NPHP3: variants seen among roughly 807,000 people sequenced by gnomAD.
NPHP3 encodes nephrocystin 3, also known as nephrocystin-3.
Under a neutral mutation model 171.9 loss-of-function variants are expected in NPHP3, and 123 were observed. The observed-to-expected ratio is 0.72, with a 90% CI of 0.62 to 0.83. The LOEUF is 0.83. Ranked by LOEUF, NPHP3 falls within the 40% of genes least tolerant of loss-of-function variation. NPHP3 has a pLI of 0.00. For missense variants in NPHP3, 1,506 were observed against 1,591.9 expected (o/e 0.95, Z 0.92); for synonymous variants, 558 against 579.2 (o/e 0.96, Z 0.52).
intron 8 of NPHP3, among the ~76,000 whole-genome samples, chr3:132,705,044 G>C (rs1203325486): frequency 1.3e-5 from 2 of 152,174 alleles, no homozygotes; most frequent in Non-Finnish European, 2.9e-5. Context: ...TTCTCAAATA[G>C]GGTTTTTGGT....
Position 132,706,598 on chromosome 3 carries a change from T to TA in NPHP3, c.1276-785dup, listed in dbSNP as rs1939761586. 4.6e-5 allele frequency among the ~76,000 whole-genome samples: 7 copies of TA among 152,090 alleles called. No homozygotes were observed. The South Asian group carries it at 1.5e-3, about 32-fold the overall frequency. On this transcript the variant is annotated intron_variant, in intron 7 of 26. Transcript: ENST00000337331. ...AATGCCCAATCTGTAAGAACATGTCTACTACTACTACTAATATTTGATACA... is the reference window on the plus strand; with the variant it reads ...AATGCCCAATCTGTAAGAACATGTCTAACTACTACTACTAATATTTGATACA...
At chr3:132,685,919 C>T (rs1939144035) in intron 23 of NPHP3, 2 of 294,688 alleles carry the variant, frequency 6.8e-6, no homozygotes, top group Admixed American at 9.2e-5. Context: ...GGCGTGGTGG[C>T]ATGCGCCTGT....
rs760311282 is a variant in NPHP3 at position 132,683,496 on chromosome 3, T to C, written c.3599A>G (p.Tyr1200Cys). 2 of 1,612,996 alleles carry C rather than the reference T, an allele frequency of 1.2e-6. No homozygotes were observed. The highest frequency in any genetic ancestry group is 2.7e-5 in the African/African-American group (2 of 74,888). Residue 1200 changes from tyrosine (Y) to cysteine (C), a missense_variant, in exon 25 of 27, where the codon TAT (tyrosine) becomes TGT (cysteine). Coordinates refer to ENST00000337331, the MANE Select transcript of NPHP3 (RefSeq NM_153240.5). ...MGKLDKAVPL[Y>C]ELAVEIRQKS... Reference sequence around the variant, plus strand: ...CTGTCGAATTTCAACAGCCAATTCATACAAAGGTACAGCTTTGTCAAGTTT... The same window carrying C: ...CTGTCGAATTTCAACAGCCAATTCACACAAAGGTACAGCTTTGTCAAGTTT...
chr3:132,722,179 C>A lies in NPHP3; in HGVS notation c.177G>T (p.Ser59=). Residue 59 remains serine (S), a synonymous_variant, in exon 1 of 27, where the codon TCG becomes TCT. Coordinates refer to ENST00000337331, the MANE Select transcript of NPHP3 (RefSeq NM_153240.5). ...CGCCCGCGCCCACCCCGCGGGGCAG[C>A]GACCCGGGCCCGGCCCCTGCTGCCG... ...AGAAAGAGPG[S]LPRGVGAGGL... is the part of the protein sequence containing the mutation. 1 of 1,527,170 alleles carries A rather than the reference C, an allele frequency of 6.5e-7. No homozygotes were observed. The highest frequency in any genetic ancestry group is 8.7e-7 in the Non-Finnish European group (1 of 1,146,316). 94.6% of individuals were successfully genotyped at this position (1,527,170 alleles called of 1,614,324 possible). A position where few individuals can be genotyped will look rare whatever the true frequency, so the allele number is the denominator to read the frequency against.
chr3:132,713,069 A>C, intron 6 of NPHP3, 57 bp downstream of exon 6: 1 of 918,176 alleles, frequency 1.1e-6, no homozygotes, highest in South Asian at 1.9e-5. Flanking sequence ...TATTTGGCAA[A>C]CTCAATTCTA....
In NPHP3 at chr3:132,696,792, A is replaced by G. The variant is rs1939465369; in HGVS notation, c.2110T>C (p.Cys704Arg). Residue 704 changes from cysteine (C) to arginine (R), a missense_variant, in exon 15 of 27, where the codon TGT becomes CGT. This residue lies in a region of NPHP3 where 930 missense variants were observed against 924.9 expected (regional missense o/e 1.01). Transcript: ENST00000337331. ...KEQEKKLERH[C>R]RSATTCNALY... The stretch of plus-strand genomic sequence containing the variant: ...GCATTGCAGGTTGTAGCAGAACGAC[A>G]GTGTCGTTCTAGCTTCTTCTCCTGC... The G allele has an allele frequency of 1.9e-6, 3 of 1,614,038 alleles. No individual in the cohort carries two copies. The highest frequency in any genetic ancestry group is 2.5e-6 in the Non-Finnish European group (3 of 1,179,966).
rs202226700 is a variant in NPHP3, at chr3:132,690,554, G to C, written c.2667C>G (p.Leu889=). The C allele has an allele frequency of 3.1e-6, 5 of 1,613,522 alleles. No homozygotes were observed. Among genetic ancestry groups the C allele is most frequent in the Non-Finnish European group, 4.2e-6 (5 of 1,179,646 alleles). Residue 889 remains leucine, a synonymous_variant, in exon 19 of 27, where the codon CTC becomes CTG. Transcript: ENST00000337331. ...TTTTATAAAGGTTTTGAGACACAAA[G>C]AGATTAAGAAGGCAATCATGCAGCT... ...KQKLHDCLLN[L]FVSQNLYKRG...
chr3:132,710,346 TAA>T (rs78357959), intron 6 of NPHP3, among the ~76,000 whole-genome samples: 27 of 127,456 alleles, frequency 2.1e-4, no homozygotes, highest in Non-Finnish European at 1.9e-4. Flanking sequence ...GGTGATCTGG[TAA>T]AAAAAAAAAA....
At position 132,694,902 on chromosome 3, in the gene NPHP3, AAG is replaced by A; in HGVS notation, c.2233_2234del (p.Leu745PhefsTer4). ...LHQCFQCQDT[L>X]SLYRLVLHSI... ...AGTGCAGAACAAGTCTATATAATGAAAGAGTATCTTGACACTGGAAACACTGA... is the reference window on the plus strand; with the variant it reads ...AGTGCAGAACAAGTCTATATAATGAAAGTATCTTGACACTGGAAACACTGA... On this transcript the variant is annotated frameshift_variant, in exon 16 of 27. Transcript: ENST00000337331. LOFTEE classifies it high-confidence loss of function. 6.2e-7 allele frequency: 1 copy of A among 1,613,818 alleles called. No homozygotes were observed. Among genetic ancestry groups the A allele is most frequent in the Non-Finnish European group, 8.5e-7 (1 of 1,179,830 alleles).
intron 3 of NPHP3, chr3:132,717,807 G>A (rs1448898499): frequency 6.7e-6 from 1 of 149,746 alleles, no homozygotes; most frequent in Admixed American, 7.4e-5. Flanking sequence ...TGCCACACTG[G>A]AGTGCGGTGG....
At position 132,705,847 on chromosome 3, in the gene NPHP3, A is replaced by G. The variant is rs754384028; in HGVS notation, c.1276-33T>C. ...AAAATCATTTAAGAACAATGAGAAAAACCATAATATCAGAAGGAAGTGGTG... is the reference window on the plus strand; with the variant it reads ...AAAATCATTTAAGAACAATGAGAAAGACCATAATATCAGAAGGAAGTGGTG... On this transcript the variant is annotated intron_variant, in intron 7 of 26. Coordinates refer to ENST00000337331, the MANE Select transcript of NPHP3 (RefSeq NM_153240.5). 8.7e-6 allele frequency: 10 copies of G among 1,148,188 alleles called. No individual in the cohort carries two copies. The South Asian group carries it at 1.1e-4, about 13-fold the overall frequency. 71.1% of individuals were successfully genotyped at this position (1,148,188 alleles called of 1,614,324 possible).
Position 132,683,498 on chromosome 3 carries a change from C to G in NPHP3, c.3597G>C (p.Leu1199Phe), listed in dbSNP as rs1355272147. 14 of 1,612,812 alleles carry G rather than the reference C, an allele frequency of 8.7e-6. No individual in the cohort carries two copies. Among genetic ancestry groups the G allele is most frequent in the Non-Finnish European group, 1.2e-5 (14 of 1,179,208 alleles). Reference sequence around the variant, plus strand: ...GTCGAATTTCAACAGCCAATTCATACAAAGGTACAGCTTTGTCAAGTTTCC... The same window carrying G: ...GTCGAATTTCAACAGCCAATTCATAGAAAGGTACAGCTTTGTCAAGTTTCC... ...KMGKLDKAVP[L>F]YELAVEIRQK... The change falls in exon 25 of 27, where the codon TTG (leucine) becomes TTC (phenylalanine). Residue 1199 changes from leucine to phenylalanine, a missense_variant. Coordinates refer to ENST00000337331, the MANE Select transcript of NPHP3 (RefSeq NM_153240.5).
intron 13 of NPHP3, among the ~76,000 whole-genome samples, chr3:132,698,063 C>A (rs1463154580): frequency 6.6e-6 from 1 of 151,792 alleles, no homozygotes; most frequent in Non-Finnish European, 1.5e-5. Flanking sequence ...CTCACTGCAA[C>A]CTCTGCCTCC....
chr3:132,714,096 C>T (rs938658156), intron 5 of NPHP3, among the ~76,000 whole-genome samples: 2 of 152,202 alleles, frequency 1.3e-5, no homozygotes, highest in African/African-American at 2.4e-5. Flanking sequence ...TGGTTTCTAT[C>T]ACAATTTACT....
rs759160439 is a variant in NPHP3 at position 132,705,621 on chromosome 3, G to A, written c.1350+119C>T. On this transcript the variant is annotated intron_variant, in intron 8 of 26. Transcript: ENST00000337331. ...ATGGACTCCCAACAGAAACAACAGC[G>A]CCTTCCTCAGGTACTGTGTTCAAAA... 7.3e-5 allele frequency: 45 copies of A among 613,862 alleles called. No individual in the cohort carries two copies. In the Middle Eastern group the frequency reaches 2.4e-3, roughly 33 times the overall value. 38.0% of individuals were successfully genotyped at this position (613,862 alleles called of 1,614,324 possible).
At chr3:132,721,826 G>T in intron 1 of NPHP3, 137 bp downstream of exon 1, 1 of 1,049,072 alleles carries the variant, frequency 9.5e-7, no homozygotes, top group Non-Finnish European at 1.4e-6. Context: ...AATCATTTCA[G>T]ACTCGAAGAG....
At chr3:132,701,240 C>G (rs1939597939) in intron 10 of NPHP3, among the ~76,000 whole-genome samples, 190 bp downstream of exon 10, 1 of 152,172 alleles carries the variant, frequency 6.6e-6, no homozygotes, top group African/African-American at 2.4e-5. Flanking sequence ...CTATTCCTTT[C>G]TCATTCTGTG....
rs1939035444 is a variant in NPHP3, at chr3:132,681,724, A to G, written c.*186T>C. 4.9e-6 allele frequency: 3 copies of G among 618,422 alleles called. No individual in the cohort carries two copies. Among genetic ancestry groups the G allele is most frequent in the Non-Finnish European group, 8.6e-6 (3 of 350,158 alleles). The allele number at this position is 618,422 out of a possible 1,614,324, so 38.3% of individuals were successfully genotyped here. On this transcript the variant is annotated 3_prime_UTR_variant, in exon 27 of 27. Transcript: ENST00000337331. ...CCATATAATAGGAAAATTCTTTTAA[A>G]CAACTAAAACAGACATAATCACAAT...
At position 132,682,413 on chromosome 3, in the gene NPHP3, A is replaced by G. The variant is rs11925495; in HGVS notation, c.3812+290T>C. 0.11 allele frequency: 60,878 copies of G among 549,156 alleles called. 3,735 individuals are homozygous for G. The highest frequency in any genetic ancestry group is 0.14 in the Middle Eastern group (293 of 2,056). 34.0% of individuals were successfully genotyped at this position (549,156 alleles called of 1,614,324 possible). A position where few individuals can be genotyped will look rare whatever the true frequency, so the allele number is the denominator to read the frequency against. ...AAAAGTCAACATATACTTAATGGCAACTTCACTCTGGGGACAGCAAATTAC... is the reference window on the plus strand; with the variant it reads ...AAAAGTCAACATATACTTAATGGCAGCTTCACTCTGGGGACAGCAAATTAC... On this transcript the variant is annotated intron_variant, in intron 26 of 26. Transcript: ENST00000337331.
Sources: gnomAD v4.1 joint callset for allele counts (sites outside exome capture counted in the v4.1 genomes callset) on GRCh38, gnomAD v4.1.1 for gene constraint, gnomAD v4.1.1 regional missense constraint, MANE v1.5 for transcripts, NCBI Gene and HGNC (gene_info 2026-07-23, HGNC 2026-07-21) for gene names.